FSTL5: variants seen among roughly 807,000 people sequenced by gnomAD.
FSTL5 encodes follistatin-related protein 5.
Under a neutral mutation model 89.1 loss-of-function variants are expected in FSTL5, and 62 were observed. The ratio of observed to expected loss-of-function variants is 0.70; its 90% CI spans 0.57 to 0.86. The LOEUF is 0.86. Among genes scored for constraint, FSTL5 ranks in the 40% least tolerant of loss-of-function variants. The pLI, the probability that FSTL5 is intolerant of heterozygous loss-of-function variation, is 0.00. For missense variants in FSTL5, 1,057 were observed against 1,001.6 expected (o/e 1.06, Z -0.75); for synonymous variants, 383 against 346.2 (o/e 1.11, Z -1.18).
rs1048692236 is a variant in FSTL5, at chr4:161,993,191, A to C, written c.160+40434T>G. 2.0e-5 allele frequency among the ~76,000 whole-genome samples: 3 copies of C among 151,704 alleles called. 1 individual carries two copies. Among genetic ancestry groups the C allele is most frequent in the Non-Finnish European group, 2.9e-5 (2 of 67,928 alleles). ...ATAATTCAGGGATATGGTTGTATAC[A>C]AATCAAAAACATCACAATACTGTCA... On this transcript the variant is annotated intron_variant, in intron 3 of 15. Coordinates refer to ENST00000306100, the MANE Select transcript of FSTL5 (RefSeq NM_020116.5).
intron 5 of FSTL5, among the ~76,000 whole-genome samples, chr4:161,770,633 C>T (rs2126799548): frequency 6.6e-6 from 1 of 151,656 alleles, no homozygotes; most frequent in East Asian, 1.9e-4. Context: ...TATGTATGTC[C>T]TCTTGTTCAA....
At chr4:161,993,033 G>A (rs897949980) in intron 3 of FSTL5, among the ~76,000 whole-genome samples, 19 of 148,100 alleles carry the variant, frequency 1.3e-4, no homozygotes, top group Non-Finnish European at 2.7e-4. Context: ...GGTGTGGAGG[G>A]GCATATTGTT....
chr4:161,517,334 T>A (rs1372146948), intron 10 of FSTL5, among the ~76,000 whole-genome samples: 1 of 152,208 alleles, frequency 6.6e-6, no homozygotes, highest in African/African-American at 2.4e-5. Context: ...TATCTTTTAT[T>A]CATAATTGAA....
intron 9 of FSTL5, among the ~76,000 whole-genome samples, chr4:161,539,541 T>A (rs1442996265): frequency 6.6e-6 from 1 of 152,146 alleles, no homozygotes; most frequent in Non-Finnish European, 1.5e-5. Flanking sequence ...AAAAAGGGGT[T>A]GGCAGGTTTT....
At chr4:161,850,768 C>A (rs534474594) in intron 4 of FSTL5, among the ~76,000 whole-genome samples, 1 of 152,156 alleles carries the variant, frequency 6.6e-6, no homozygotes, top group South Asian at 2.1e-4. Context: ...GGAATCAACC[C>A]AAATGCCCAT....
intron 2 of FSTL5, among the ~76,000 whole-genome samples, chr4:162,072,939 C>A (rs1729688741): frequency 6.6e-6 from 1 of 151,694 alleles, no homozygotes; most frequent in Non-Finnish European, 1.5e-5. Flanking sequence ...TGCCTAACTG[C>A]CTTTCAACTA....
At chr4:161,448,937 C>A (rs7681811) in intron 15 of FSTL5, among the ~76,000 whole-genome samples, 1 of 152,056 alleles carries the variant, frequency 6.6e-6, no homozygotes, top group African/African-American at 2.4e-5. Flanking sequence ...CAAACCAGTA[C>A]CATCTTGGGG....
At chr4:161,990,379 A>G (rs1181544216) in intron 3 of FSTL5, among the ~76,000 whole-genome samples, 1 of 152,150 alleles carries the variant, frequency 6.6e-6, no homozygotes, top group Non-Finnish European at 1.5e-5. Flanking sequence ...GCATCTTCAA[A>G]TAAAGTGACA....
Position 161,897,268 on chromosome 4 carries a change from A to C in FSTL5, c.409+23136T>G, listed in dbSNP as rs184573105. The stretch of plus-strand genomic sequence containing the variant: ...AATAGGTAATTGGAGGAATACTAAG[A>C]GATTTATATATTCTAATGGTATGTA... On this transcript the variant is annotated intron_variant, in intron 4 of 15. Coordinates refer to ENST00000306100, the MANE Select transcript of FSTL5 (RefSeq NM_020116.5). Among the ~76,000 whole-genome samples the C allele has an allele frequency of 2.3e-4, 35 of 151,962 alleles. No individual in the cohort carries two copies. In the East Asian group the frequency reaches 5.0e-3, roughly 22 times the overall value.
At chr4:162,153,198 T>G (rs76104781) in intron 1 of FSTL5, among the ~76,000 whole-genome samples, 1 of 151,876 alleles carries the variant, frequency 6.6e-6, no homozygotes, top group Non-Finnish European at 1.5e-5. Flanking sequence ...GTCCCTGAGG[T>G]TTACTAATGT....
At chr4:161,884,633 T>C (rs914120493) in intron 4 of FSTL5, among the ~76,000 whole-genome samples, 4 of 152,202 alleles carry the variant, frequency 2.6e-5, no homozygotes, top group Non-Finnish European at 5.9e-5. Context: ...TATTGTTTTT[T>C]AAATTACCTT....
At position 161,522,118 on chromosome 4, in the gene FSTL5, C is replaced by T. The variant is rs765967073; in HGVS notation, c.1313-11694G>A. Among the ~76,000 whole-genome samples the T allele has an allele frequency of 3.3e-5, 5 of 152,068 alleles. No individual in the cohort carries two copies. In the East Asian group the frequency reaches 5.8e-4, roughly 18 times the overall value. On this transcript the variant is annotated intron_variant, in intron 10 of 15. Transcript: ENST00000306100. The stretch of plus-strand genomic sequence containing the variant: ...AGGTTACTATATTAATAAGACAGAG[C>T]GATGCCAGCTGTTCTTCCTTCCATT...
intron 2 of FSTL5, among the ~76,000 whole-genome samples, chr4:162,081,272 G>A (rs1424546427): frequency 6.6e-6 from 1 of 151,544 alleles, no homozygotes; most frequent in Non-Finnish European, 1.5e-5. Context: ...GAATTGATCA[G>A]AACTGACACA....
At chr4:161,947,646 G>C (rs1399687086) in intron 3 of FSTL5, among the ~76,000 whole-genome samples, 1 of 151,972 alleles carries the variant, frequency 6.6e-6, no homozygotes, top group Admixed American at 6.6e-5. Flanking sequence ...ATAATATGAG[G>C]GTTAAATCAT....
At chr4:162,083,497 G>T (rs1220772315) in intron 2 of FSTL5, among the ~76,000 whole-genome samples, 1 of 151,310 alleles carries the variant, frequency 6.6e-6, no homozygotes, top group African/African-American at 2.4e-5. Context: ...CATTAAAAAA[G>T]TTTTTGCAAA....
chr4:161,433,146 T>C (rs1280950051), intron 15 of FSTL5, among the ~76,000 whole-genome samples: 1 of 150,422 alleles, frequency 6.6e-6, no homozygotes, highest in African/African-American at 2.4e-5. Context: ...TAGGTGAATA[T>C]CCCTGATGAA....
chr4:161,972,267 A>AT (rs1735505979), intron 3 of FSTL5, among the ~76,000 whole-genome samples: 1 of 151,762 alleles, frequency 6.6e-6, no homozygotes. Flanking sequence ...AATTTTTTGT[A>AT]TTTTTTGTGA....
chr4:161,656,793 C>T (rs1024687775), intron 6 of FSTL5, among the ~76,000 whole-genome samples: 2 of 152,110 alleles, frequency 1.3e-5, no homozygotes, highest in African/African-American at 4.8e-5. Context: ...TACTTAACTG[C>T]CAAATCGACA....
At chr4:162,136,812 TA>T (rs528754540) in intron 1 of FSTL5, among the ~76,000 whole-genome samples, 1 of 151,322 alleles carries the variant, frequency 6.6e-6, no homozygotes, top group African/African-American at 2.4e-5. Context: ...ATGCTGAGAT[TA>T]AAAAAAAATC....
Sources: gnomAD v4.1 joint callset for allele counts (sites outside exome capture counted in the v4.1 genomes callset) on GRCh38, gnomAD v4.1.1 for gene constraint, MANE v1.5 for transcripts, NCBI Gene and HGNC (gene_info 2026-07-23, HGNC 2026-07-21) for gene names.